TJAP1: variants seen among roughly 807,000 people sequenced by gnomAD.
TJAP1 encodes tight junction-associated protein 1.
In TJAP1, 27 loss-of-function variants were observed where a neutral mutation model predicts 42.0. The ratio of observed to expected loss-of-function variants is 0.64; its 90% CI spans 0.47 to 0.89. TJAP1 has a LOEUF of 0.89. Ranked by LOEUF, TJAP1 falls within the 40% of genes least tolerant of loss-of-function variation. TJAP1 has a pLI of 0.00. For synonymous variants in TJAP1, 257 were observed against 288.4 expected (o/e 0.89, Z 1.10); for missense variants, 712 against 726.9 (o/e 0.98, Z 0.24).
chr6:43,491,510 G>A lies in TJAP1; in HGVS notation c.-121-6371G>A, dbSNP rs987726466. On this transcript the variant is annotated intron_variant, in intron 2 of 10. Coordinates refer to ENST00000372449, the Ensembl canonical transcript of TJAP1. The surrounding 1 kb of genome is among the most constrained non-coding windows in gnomAD (Gnocchi z 4.6). Reference sequence around the variant, plus strand: ...TCTCCATGTTAGTCAGGCTGGTCTCGAACTCCCGACCTCAGGTGATCTGCC... The same window carrying A: ...TCTCCATGTTAGTCAGGCTGGTCTCAAACTCCCGACCTCAGGTGATCTGCC... 6.6e-6 allele frequency among the ~76,000 whole-genome samples: 1 copy of A among 152,074 alleles called. No homozygotes were observed. Among genetic ancestry groups the A allele is most frequent in the African/African-American group, 2.4e-5 (1 of 41,394 alleles).
exon 11 of TJAP1, chr6:43,504,805 T>C: frequency 6.2e-7 from 1 of 1,614,202 alleles, no homozygotes; most frequent in Non-Finnish European, 8.5e-7. Flanking sequence ...ATTTGCACAG[T>C]GGTCAAGAGG....
At chr6:43,503,030 T>C in intron 8 of TJAP1, 1 of 441,302 alleles carries the variant, frequency 2.3e-6, no homozygotes, top group Non-Finnish European at 4.2e-6. Context: ...TCTCCTAGCC[T>C]GATGCTGGAA....
In TJAP1 at chr6:43,505,961, A is replaced by C; in HGVS notation, c.*106A>C. 2 of 1,219,800 alleles carry C rather than the reference A, an allele frequency of 1.6e-6. No homozygotes were observed. The highest frequency in any genetic ancestry group is 2.1e-6 in the Non-Finnish European group (2 of 935,230). The allele number at this position is 1,219,800 out of a possible 1,614,324, so 75.6% of individuals were successfully genotyped here. ...CAAGCCCTTGACCTCTCCTCTATCCAGACCCGCACAGCTGTTTCCTGTGTG... is the reference window on the plus strand; with the variant it reads ...CAAGCCCTTGACCTCTCCTCTATCCCGACCCGCACAGCTGTTTCCTGTGTG... On this transcript the variant is annotated 3_prime_UTR_variant, in exon 11 of 11. Coordinates refer to ENST00000372449, the Ensembl canonical transcript of TJAP1. The surrounding 1 kb of genome is among the most constrained non-coding windows in gnomAD (Gnocchi z 5.5).
exon 11 of TJAP1, chr6:43,504,861 T>A: frequency 1.2e-6 from 2 of 1,614,184 alleles, no homozygotes; most frequent in Non-Finnish European, 1.7e-6. Context: ...GGGGCTGTGG[T>A]GCCTACCTCA....
chr6:43,496,127 A>T (rs968081252), intron 2 of TJAP1, among the ~76,000 whole-genome samples: 3 of 152,084 alleles, frequency 2.0e-5, no homozygotes, highest in Admixed American at 2.0e-4. Flanking sequence ...TCTGTAGAGA[A>T]GGGGAAAGGC....
rs563272068 is a variant in TJAP1 at position 43,502,644 on chromosome 6, C to G, written c.387+27C>G. 4.0e-5 allele frequency: 62 copies of G among 1,551,544 alleles called. No individual in the cohort carries two copies. In the East Asian group the frequency reaches 1.4e-3, roughly 35 times the overall value. On this transcript the variant is annotated intron_variant, in intron 8 of 10. Coordinates refer to ENST00000372449, the Ensembl canonical transcript of TJAP1. ...TTGCGTCTGAGTTTGTGTGTCTTCT[C>G]CCTTGCCCTGGCCTTCTCCTCAGCT...
chr6:43,501,919 ACACACACACTCTCT>A (rs1397277455), intron 6 of TJAP1, among the ~76,000 whole-genome samples: 2 of 122,068 alleles, frequency 1.6e-5, no homozygotes, highest in African/African-American at 6.8e-5. Flanking sequence ...ACACACACAC[ACACACACACTCTCT>A]CTCTCTCTCT....
chr6:43,492,759 C>G lies in TJAP1; in HGVS notation c.-121-5122C>G, dbSNP rs930480422. Among the ~76,000 whole-genome samples the G allele has an allele frequency of 6.6e-6, 1 of 152,186 alleles. No individual in the cohort carries two copies. The highest frequency in any genetic ancestry group is 2.1e-4 in the South Asian group (1 of 4,824). On this transcript the variant is annotated intron_variant, in intron 2 of 10. Coordinates refer to ENST00000372449, the Ensembl canonical transcript of TJAP1. The surrounding 1 kb of genome is among the most constrained non-coding windows in gnomAD (Gnocchi z 4.2). ...AGGTCACCTGGTTCCAGGGCTTACG[C>G]TTGCAGGGTGACCATTTGTGTTCCT...
chr6:43,493,215 T>C (rs141758930), intron 2 of TJAP1, among the ~76,000 whole-genome samples: 2 of 152,194 alleles, frequency 1.3e-5, no homozygotes, highest in East Asian at 1.9e-4. Context: ...GTGTGGGCCC[T>C]TCCTGATTCA....
chr6:43,501,421 C>T, intron 5 of TJAP1, 105 bp from the exon 6 acceptor site: 1 of 1,018,248 alleles, frequency 9.8e-7, no homozygotes, highest in Non-Finnish European at 1.5e-6. Context: ...TCCTGTTTGC[C>T]TGTCCTCATG....
At chr6:43,501,536 G>C (rs1307193042) in exon 6 of TJAP1, 14 of 1,613,308 alleles carry the variant, frequency 8.7e-6, no homozygotes, top group Admixed American at 1.7e-5. Context: ...GCTCTTACAG[G>C]AGGAGAATGA....
At chr6:43,481,668 GC>G (rs1785352307) in intron 2 of TJAP1, among the ~76,000 whole-genome samples, 1 of 151,992 alleles carries the variant, frequency 6.6e-6, no homozygotes, top group Non-Finnish European at 1.5e-5. Context: ...TGCTGCTGAA[GC>G]CTATGTTGTT....
chr6:43,496,061 G>A (rs1243008529), intron 2 of TJAP1, among the ~76,000 whole-genome samples: 1 of 152,138 alleles, frequency 6.6e-6, no homozygotes, highest in African/African-American at 2.4e-5. Flanking sequence ...CAGAGAGAAA[G>A]GGCTTCCTGA....
rs77568053 is a variant in TJAP1, at chr6:43,495,066, A to T, written c.-121-2815A>T. On this transcript the variant is annotated intron_variant, in intron 2 of 10. Coordinates refer to ENST00000372449, the Ensembl canonical transcript of TJAP1. The surrounding 1 kb of genome is among the most constrained non-coding windows in gnomAD (Gnocchi z 4.6). Reference sequence around the variant, plus strand: ...CTTTTCTTCCCCACATGGGATTGGGAGTCCTCCTTGGGCTGAAACACTCCA... The same window carrying T: ...CTTTTCTTCCCCACATGGGATTGGGTGTCCTCCTTGGGCTGAAACACTCCA... Among the ~76,000 whole-genome samples, 5,855 of 152,284 alleles carry T rather than the reference A, an allele frequency of 0.038. 177 individuals carry two copies. The highest frequency in any genetic ancestry group is 0.079 in the African/African-American group (3,273 of 41,556).
chr6:43,490,278 G>A (rs1787521155), intron 2 of TJAP1, among the ~76,000 whole-genome samples: 2 of 152,074 alleles, frequency 1.3e-5, no homozygotes, highest in Non-Finnish European at 2.9e-5. Flanking sequence ...ACCCCCCACC[G>A]TCACCCTTCC....
At chr6:43,502,047 G>GACAC (rs563635573) in intron 6 of TJAP1, among the ~76,000 whole-genome samples, 574 of 22,210 alleles carry the variant, frequency 0.026, 64 homozygotes, top group Middle Eastern at 0.094. Context: ...GGAATGCGGG[G>GACAC]ACACACACAC....
chr6:43,502,610 T>G (rs1364844768), exon 8 of TJAP1: 1 of 1,551,658 alleles, frequency 6.4e-7, no homozygotes, highest in Non-Finnish European at 8.7e-7. Flanking sequence ...CACAGCTGGA[T>G]TTTTGCAGTT....
rs535208788 is a variant in TJAP1, at chr6:43,492,589, C to T, written c.-121-5292C>T. Among the ~76,000 whole-genome samples, 49 of 152,290 alleles carry T rather than the reference C, an allele frequency of 3.2e-4. No individual in the cohort carries two copies. Among genetic ancestry groups the T allele is most frequent in the South Asian group, 2.1e-4 (1 of 4,828 alleles). ...GCAAGCAGGAGGGGTACCCCGGAGA[C>T]GATGTGGGCGAGGCCGAACCCAGTT... On this transcript the variant is annotated intron_variant, in intron 2 of 10. Coordinates refer to ENST00000372449, the Ensembl canonical transcript of TJAP1. The surrounding 1 kb of genome is among the most constrained non-coding windows in gnomAD (Gnocchi z 4.2).
At chr6:43,479,115 A>G (rs1394523604) in intron 2 of TJAP1, among the ~76,000 whole-genome samples, 1 of 152,262 alleles carries the variant, frequency 6.6e-6, no homozygotes, top group Non-Finnish European at 1.5e-5. Context: ...CTGGAGCCAG[A>G]GAACACAGTG....
Sources: allele counts gnomAD v4.1 joint callset (sites outside exome capture counted in the v4.1 genomes callset), GRCh38; gene constraint gnomAD v4.1.1; non-coding constraint Gnocchi (gnomAD v3.1); transcripts MANE v1.5; gene names NCBI Gene and HGNC (gene_info 2026-07-23, HGNC 2026-07-21).